Variants in SPATA1 observed in about 807,000 individuals in gnomAD.
The protein encoded by SPATA1 is spermatogenesis-associated protein 1.
A neutral mutation model predicts 59.6 loss-of-function variants in SPATA1; 57 were observed. The ratio of observed to expected loss-of-function variants is 0.96; its 90% CI spans 0.77 to 1.19. The LOEUF (loss-of-function observed/expected upper bound fraction) is 1.19. Ranked by LOEUF, SPATA1 falls within the 50% of genes most tolerant of loss-of-function variation. The pLI, the probability that SPATA1 is intolerant of heterozygous loss-of-function variation, is 0.00. For missense variants in SPATA1, 448 were observed against 480.7 expected, an observed-to-expected ratio of 0.93 and a Z score of 0.64; for synonymous variants, 147 against 163.9, an observed-to-expected ratio of 0.90 and a Z score of 0.79.
At chr1:84,536,906 G>A (rs1305973804) in intron 8 of SPATA1, among the ~76,000 whole-genome samples, 2 of 130,340 alleles carry the variant, frequency 1.5e-5, no homozygotes, top group Non-Finnish European at 3.1e-5. Flanking sequence ...TTGAGATGAA[G>A]TCTCACTCTG....
At chr1:84,558,123 T>C (rs1160482147), downstream of SPATA1, among the ~76,000 whole-genome samples, 2 of 152,176 alleles carry the variant, frequency 1.3e-5, no homozygotes, top group South Asian at 2.1e-4. Flanking sequence ...CAATGTATTA[T>C]GTTGAAAATT....
At chr1:84,514,646 C>T (rs552060897) in intron 1 of SPATA1, among the ~76,000 whole-genome samples, 1 of 152,250 alleles carries the variant, frequency 6.6e-6, no homozygotes, top group South Asian at 2.1e-4. Context: ...CAGGTCTTGA[C>T]TGATCTATCT....
chr1:84,563,938 T>C (rs1684641901), intron 4 of SPATA1: 1 of 1,268,716 alleles, frequency 7.9e-7, no homozygotes, highest in East Asian at 2.8e-5. Flanking sequence ...CAAGTACATT[T>C]ATAAAAAACA....
intron 6 of SPATA1, among the ~76,000 whole-genome samples, chr1:84,526,885 AAAAGAT>A (rs1683248338): frequency 5.3e-5 from 8 of 151,668 alleles, no homozygotes; most frequent in Admixed American, 5.3e-4. Context: ...AAAAAAAAAA[AAAAGAT>A]AGGTAATTTA....
At position 84,560,097 on chromosome 1, in the gene SPATA1, A is replaced by AAAGAAAGAAAG. The variant is rs1464905030; in HGVS notation, n.442+4120_442+4121insGAAAGAAAGAA. On this transcript the variant is annotated intron_variant and non_coding_transcript_variant, in intron 4 of 4. Transcript: ENST00000460286. ...AGACTCTGTCTCAAAAAAAAAAAAA[A>AAAGAAAGAAAG]AAAGAAAGAAAGAAAGAAAGAAAGA... Among the ~76,000 whole-genome samples the AAAGAAAGAAAG allele has an allele frequency of 4.4e-5, 5 of 114,722 alleles. No homozygotes were observed. In the East Asian group the frequency reaches 7.5e-4, roughly 17 times the overall value. 75.3% of individuals were successfully genotyped at this position (114,722 alleles called of 152,430 possible). A position where few individuals can be genotyped will look rare whatever the true frequency, so the allele number is the denominator to read the frequency against.
chr1:84,514,868 G>A (rs1682726630), intron 1 of SPATA1, among the ~76,000 whole-genome samples: 1 of 152,124 alleles, frequency 6.6e-6, no homozygotes, highest in South Asian at 2.1e-4. Flanking sequence ...CTACTTGGGA[G>A]GCTGAGGCAG....
rs554757012 is a variant in SPATA1, at chr1:84,544,189, C to T, written c.718-13C>T. On this transcript the variant is annotated splice_polypyrimidine_tract_variant and intron_variant, in intron 8 of 12. Coordinates refer to ENST00000490879, the Ensembl canonical transcript of SPATA1. ...GTGTAGCCGATCTTACTCATTTTCACGTTTGCTTACAGACAGCTGAAAAAG... is the reference window on the plus strand; with the variant it reads ...GTGTAGCCGATCTTACTCATTTTCATGTTTGCTTACAGACAGCTGAAAAAG... The T allele has an allele frequency of 1.6e-5, 24 of 1,521,546 alleles. No homozygotes were observed. Among genetic ancestry groups the T allele is most frequent in the East Asian group, 2.3e-5 (1 of 43,716 alleles). 94.3% of individuals were successfully genotyped at this position (1,521,546 alleles called of 1,614,324 possible). A position where few individuals can be genotyped will look rare whatever the true frequency, so the allele number is the denominator to read the frequency against.
chr1:84,512,806 C>G (rs7513490), intron 1 of SPATA1, among the ~76,000 whole-genome samples: 27,450 of 152,120 alleles, frequency 0.18, 2,559 homozygotes, highest in South Asian at 0.31. Context: ...TAGTAATTCA[C>G]TTTTAGATAG....
chr1:84,540,276 G>A (rs1479728970), intron 8 of SPATA1, among the ~76,000 whole-genome samples: 1 of 151,956 alleles, frequency 6.6e-6, no homozygotes, highest in Non-Finnish European at 1.5e-5. Context: ...TTTACTGTGT[G>A]TCTTCTACTA....
rs372258328 is a variant in SPATA1, at chr1:84,565,193, T to C, written n.443-668T>C. Among the ~76,000 whole-genome samples, 531 of 151,766 alleles carry C rather than the reference T, an allele frequency of 3.5e-3. 1 individual carries two copies. The highest frequency in any genetic ancestry group is 7.2e-3 in the Admixed American group (109 of 15,244). Reference sequence around the variant, plus strand: ...CAGCCTGGGTGATGGAGTGAGACCCTGCTCAAAAAAATAAAAATTAAAAAA... The same window carrying C: ...CAGCCTGGGTGATGGAGTGAGACCCCGCTCAAAAAAATAAAAATTAAAAAA... On this transcript the variant is annotated intron_variant and non_coding_transcript_variant, in intron 4 of 4. Coordinates refer to the SPATA1 transcript ENST00000460286.
rs182493595 is a variant in SPATA1 at position 84,534,189 on chromosome 1, A to G, written c.717+423A>G. On this transcript the variant is annotated intron_variant, in intron 8 of 12. Coordinates refer to ENST00000490879, the Ensembl canonical transcript of SPATA1. Reference sequence around the variant, plus strand: ...AGTTACTAGCTGTGTGACCTTGGATATGTTACCCAATTTGAATTGCACTGG... The same window carrying G: ...AGTTACTAGCTGTGTGACCTTGGATGTGTTACCCAATTTGAATTGCACTGG... 4.3e-3 allele frequency among the ~76,000 whole-genome samples: 652 copies of G among 152,200 alleles called. 10 individuals carry two copies. Among genetic ancestry groups the G allele is most frequent in the Non-Finnish European group, 4.5e-3 (307 of 67,930 alleles).
intron 9 of SPATA1, among the ~76,000 whole-genome samples, 188 bp downstream of exon 9, chr1:84,544,492 T>C (rs1365695838): frequency 6.6e-6 from 1 of 152,152 alleles, no homozygotes; most frequent in Non-Finnish European, 1.5e-5. Context: ...TTTAAAAATA[T>C]TTTAAATGGT....
At chr1:84,511,681 T>C (rs1682563900) in intron 1 of SPATA1, among the ~76,000 whole-genome samples, 9 of 128,228 alleles carry the variant, frequency 7.0e-5, no homozygotes, top group Non-Finnish European at 1.1e-4. Context: ...CTTTCTTTCT[T>C]TTTTTTTTTT....
intron 3 of SPATA1, among the ~76,000 whole-genome samples, chr1:84,521,371 G>A (rs1683019112): frequency 6.6e-6 from 1 of 152,142 alleles, no homozygotes; most frequent in African/African-American, 2.4e-5. Flanking sequence ...CTGACTGCCT[G>A]TTGTTACTCC....
rs532347464 is a variant in SPATA1 at position 84,526,211 on chromosome 1, G to T, written c.544+138G>T. The T allele has an allele frequency of 1.0e-3, 677 of 651,522 alleles. 3 individuals are homozygous for T. The highest frequency in any genetic ancestry group is 1.5e-3 in the Non-Finnish European group (599 of 412,516). The allele number at this position is 651,522 out of a possible 1,614,324, so 40.4% of individuals were successfully genotyped here. ...AAAGAAAGCTACAATTCCACTTGGG[G>T]ATTTCTAAAAAAATATTTTTGCCAG... On this transcript the variant is annotated intron_variant, in intron 6 of 12. Transcript: ENST00000490879.
At chr1:84,536,461 T>A (rs1043018251) in intron 8 of SPATA1, among the ~76,000 whole-genome samples, 1 of 152,258 alleles carries the variant, frequency 6.6e-6, no homozygotes, top group African/African-American at 2.4e-5. Flanking sequence ...TTTTTTCTTT[T>A]GAGACGGAGT....
chr1:84,517,028 A>T (rs1041062078), intron 2 of SPATA1, among the ~76,000 whole-genome samples: 1 of 152,138 alleles, frequency 6.6e-6, no homozygotes, highest in Admixed American at 6.5e-5. Flanking sequence ...AACTGCGGTC[A>T]AGATTTCACC....
intron 6 of SPATA1, among the ~76,000 whole-genome samples, chr1:84,530,075 C>G (rs1004718756): frequency 2.6e-5 from 4 of 151,682 alleles, no homozygotes; most frequent in African/African-American, 9.7e-5. Context: ...CCAGGCCAGT[C>G]TCAAACTCCT....
At chr1:84,546,475 A>C (rs1684089303) in intron 10 of SPATA1, among the ~76,000 whole-genome samples, 1 of 151,962 alleles carries the variant, frequency 6.6e-6, no homozygotes, top group Non-Finnish European at 1.5e-5. Flanking sequence ...AAAAAAAAAA[A>C]AAAAACTTGA....
Sources: gnomAD v4.1 joint callset for allele counts (sites outside exome capture counted in the v4.1 genomes callset) on GRCh38, gnomAD v4.1.1 for gene constraint, MANE v1.5 for transcripts, NCBI Gene and HGNC (gene_info 2026-07-23, HGNC 2026-07-21) for gene names.